Variants in TAFA2 observed in about 807,000 individuals in gnomAD.
TAFA2 encodes the protein chemokine-like protein TAFA-2.
Under a neutral mutation model 18.8 loss-of-function variants are expected in TAFA2, and 7 were observed. The observed-to-expected ratio is 0.37, with a 90% CI of 0.21 to 0.70. The LOEUF (loss-of-function observed/expected upper bound fraction) is 0.70. Among genes scored for constraint, TAFA2 ranks in the 30% least tolerant of loss-of-function variants. The pLI, the probability that TAFA2 is intolerant of heterozygous loss-of-function variation, is 0.53. For missense variants in TAFA2, 122 were observed against 158.1 expected (o/e 0.77, Z 1.23); for synonymous variants, 60 against 54.2 (o/e 1.11, Z -0.47).
chr12:61,838,672 G>T (rs1873039830), intron 2 of TAFA2, among the ~76,000 whole-genome samples: 1 of 151,998 alleles, frequency 6.6e-6, no homozygotes, highest in South Asian at 2.1e-4. Context: ...GCAACTCAAT[G>T]ATTGAAAAAT....
chr12:62,102,498 G>T (rs543890001), intron 1 of TAFA2, among the ~76,000 whole-genome samples: 1 of 152,134 alleles, frequency 6.6e-6, no homozygotes, highest in Admixed American at 6.6e-5. Context: ...CTAGGGTAAC[G>T]TGTTCCACAT....
At chr12:62,254,839 C>A (rs1191462299) in intron 1 of TAFA2, among the ~76,000 whole-genome samples, 7 of 152,170 alleles carry the variant, frequency 4.6e-5, no homozygotes, top group Admixed American at 4.6e-4. Flanking sequence ...TGTTCTAAGA[C>A]TCTTTGTGAG....
At chr12:61,877,521 T>C (rs952219408) in intron 1 of TAFA2, among the ~76,000 whole-genome samples, 1 of 152,136 alleles carries the variant, frequency 6.6e-6, no homozygotes, top group Admixed American at 6.5e-5. Flanking sequence ...CTGGGTCTAT[T>C]TTCAAAAAAT....
intron 1 of TAFA2, among the ~76,000 whole-genome samples, chr12:61,947,549 T>C (rs1393340876): frequency 6.6e-6 from 1 of 152,158 alleles, no homozygotes; most frequent in African/African-American, 2.4e-5. Context: ...ACTAATGATG[T>C]GTTCTGATGT....
intron 1 of TAFA2, among the ~76,000 whole-genome samples, chr12:62,229,233 A>G (rs992962867): frequency 6.6e-6 from 1 of 152,076 alleles, no homozygotes; most frequent in African/African-American, 2.4e-5. Flanking sequence ...TCCCGTTAGG[A>G]CTTCCAGTAC....
At chr12:62,107,682 C>A (rs992442156) in intron 1 of TAFA2, among the ~76,000 whole-genome samples, 22 of 152,054 alleles carry the variant, frequency 1.4e-4, no homozygotes, top group Non-Finnish European at 2.6e-4. Flanking sequence ...CTTCTGTGTT[C>A]ATTTTTTTTA....
chr12:62,210,678 A>G (rs926713665), intron 1 of TAFA2, among the ~76,000 whole-genome samples: 6 of 152,228 alleles, frequency 3.9e-5, no homozygotes, highest in Non-Finnish European at 8.8e-5. Flanking sequence ...CACAACAGAG[A>G]GAAGTACATG....
At chr12:61,955,499 G>A (rs1427982069) in intron 1 of TAFA2, among the ~76,000 whole-genome samples, 1 of 146,916 alleles carries the variant, frequency 6.8e-6, no homozygotes, top group Non-Finnish European at 1.5e-5. Flanking sequence ...CTACTCAGGA[G>A]GCTAAGACAG....
chr12:61,849,575 T>C (rs1250050356), intron 2 of TAFA2, among the ~76,000 whole-genome samples: 4 of 152,176 alleles, frequency 2.6e-5, no homozygotes, highest in African/African-American at 9.7e-5. Flanking sequence ...ATATTAGTGA[T>C]ATAGAAAAGA....
intron 1 of TAFA2, among the ~76,000 whole-genome samples, chr12:62,142,310 G>A (rs1039151926): frequency 3.9e-5 from 6 of 152,172 alleles, no homozygotes; most frequent in African/African-American, 1.2e-4. Flanking sequence ...ATAAACGAAA[G>A]TCATAAGAAT....
Position 62,246,047 on chromosome 12 carries a change from C to T in TAFA2, c.-130+12716G>A, listed in dbSNP as rs183928050. Among the ~76,000 whole-genome samples, 300 of 149,584 alleles carry T rather than the reference C, an allele frequency of 2.0e-3. 1 individual carries two copies. The highest frequency in any genetic ancestry group is 7.1e-3 in the African/African-American group (287 of 40,366). Reference sequence around the variant, plus strand: ...TGTCGCCCAGGCTGGAGTGCAGTGGCGCAATCTCAGCTCACTGCAAGCTCC... The same window carrying T: ...TGTCGCCCAGGCTGGAGTGCAGTGGTGCAATCTCAGCTCACTGCAAGCTCC... On this transcript the variant is annotated intron_variant, in intron 1 of 5. Transcript: ENST00000551619.
chr12:61,990,914 A>C (rs1879987657), intron 1 of TAFA2, among the ~76,000 whole-genome samples: 1 of 152,232 alleles, frequency 6.6e-6, no homozygotes, highest in Non-Finnish European at 1.5e-5. Context: ...GAGCTATAAC[A>C]AGTGAAATAT....
chr12:62,144,242 C>A (rs964365517), intron 1 of TAFA2, among the ~76,000 whole-genome samples: 8 of 151,986 alleles, frequency 5.3e-5, no homozygotes, highest in African/African-American at 1.9e-4. Flanking sequence ...GTTAGGCAAC[C>A]TCCTGTAAGA....
chr12:62,103,830 T>C (rs534167936), intron 1 of TAFA2, among the ~76,000 whole-genome samples: 15 of 151,932 alleles, frequency 9.9e-5, no homozygotes, highest in African/African-American at 3.6e-4. Flanking sequence ...TAGGAAATGA[T>C]ACAAATGATA....
chr12:62,237,245 C>G (rs2639735), intron 1 of TAFA2, among the ~76,000 whole-genome samples: 38,005 of 152,134 alleles, frequency 0.25, 5,887 homozygotes, highest in South Asian at 0.35. Context: ...CGGTGGCTCA[C>G]GCCTGTAATC....
At chr12:62,231,764 G>A (rs1051629740) in intron 1 of TAFA2, among the ~76,000 whole-genome samples, 5 of 152,060 alleles carry the variant, frequency 3.3e-5, no homozygotes, top group Non-Finnish European at 5.9e-5. Context: ...TACGTTATGT[G>A]GTAAAAACAA....
chr12:61,815,570 G>A (rs1014374797), intron 2 of TAFA2, among the ~76,000 whole-genome samples: 1 of 150,944 alleles, frequency 6.6e-6, no homozygotes, highest in Non-Finnish European at 1.5e-5. Flanking sequence ...GGCTGAGGCG[G>A]GAGAATGGCG....
intron 2 of TAFA2, among the ~76,000 whole-genome samples, chr12:61,834,570 G>C (rs1428040906): frequency 6.6e-6 from 1 of 151,992 alleles, no homozygotes; most frequent in Non-Finnish European, 1.5e-5. Context: ...TACTGACCTA[G>C]TGTATGAAAC....
intron 2 of TAFA2, among the ~76,000 whole-genome samples, chr12:61,797,196 G>A (rs1178536322): frequency 6.6e-6 from 1 of 152,110 alleles, no homozygotes; most frequent in African/African-American, 2.4e-5. Context: ...ATCACTAGTA[G>A]CCTTTAAAAG....
Sources: gnomAD v4.1 joint callset for allele counts (sites outside exome capture counted in the v4.1 genomes callset) on GRCh38, gnomAD v4.1.1 for gene constraint, MANE v1.5 for transcripts, NCBI Gene and HGNC (gene_info 2026-07-23, HGNC 2026-07-21) for gene names.